The following NHS variants were observed in gnomAD, a reference collection of about 807,000 sequenced individuals.
NHS encodes the protein NHS actin remodeling regulator, also known as actin remodeling regulator NHS.
A neutral mutation model predicts 72.5 loss-of-function variants in NHS; 5 were observed. The observed-to-expected ratio is 0.07, with a 90% CI of 0.04 to 0.14. NHS has a LOEUF of 0.14. Among genes scored for constraint, NHS ranks in the 10% least tolerant of loss-of-function variants. NHS has a pLI of 1.00. For missense variants in NHS, 1,072 were observed against 1,355.7 expected (o/e 0.79, Z 3.29); for synonymous variants, 464 against 547.7 (o/e 0.85, Z 2.13).
chrX:17,623,292 G>A (rs1258818114), intron 1 of NHS, among the ~76,000 whole-genome samples: 1 of 111,654 alleles, frequency 9.0e-6, no homozygotes, highest in Non-Finnish European at 1.9e-5. Flanking sequence ...TCCAAGCAGG[G>A]AGAAGGGAAT....
chrX:17,532,537 G>A (rs1249887734), intron 1 of NHS, among the ~76,000 whole-genome samples: 1 of 111,641 alleles, frequency 9.0e-6, no homozygotes, highest in African/African-American at 3.3e-5. Flanking sequence ...TGCATTTGAA[G>A]GCTTCCTCCT....
At chrX:17,730,447 T>C (rs2066479531) in intron 8 of NHS, among the ~76,000 whole-genome samples, 1 of 112,511 alleles carries the variant, frequency 8.9e-6, no homozygotes, top group African/African-American at 3.2e-5. Flanking sequence ...AGCCCTAACT[T>C]AGTGGAGTGC....
intron 1 of NHS, among the ~76,000 whole-genome samples, chrX:17,458,805 C>A (rs1042857954): frequency 1.2e-4 from 14 of 112,314 alleles, no homozygotes; most frequent in African/African-American, 4.2e-4. Flanking sequence ...TGCATGCATT[C>A]TTTGGGTCCA....
At chrX:17,608,549 CA>C (rs1474074743) in intron 1 of NHS, among the ~76,000 whole-genome samples, 4 of 112,115 alleles carry the variant, frequency 3.6e-5, no homozygotes, top group African/African-American at 1.3e-4. Context: ...TAAATCTCAG[CA>C]GCCTTGAAAG....
intron 1 of NHS, among the ~76,000 whole-genome samples, chrX:17,463,261 A>G (rs1293530851): frequency 9.0e-6 from 1 of 111,235 alleles, no homozygotes; most frequent in Non-Finnish European, 1.9e-5. Context: ...AAAGTAAGAG[A>G]GTTTGGGCAG....
At chrX:17,379,942 G>A (rs1010051328) in intron 1 of NHS, among the ~76,000 whole-genome samples, 2 of 111,823 alleles carry the variant, frequency 1.8e-5, no homozygotes, top group Non-Finnish European at 3.8e-5. Context: ...AATTACATGT[G>A]TGAGTTGAGA....
At chrX:17,591,735 T>A (rs183850202) in intron 1 of NHS, among the ~76,000 whole-genome samples, 1 of 111,846 alleles carries the variant, frequency 8.9e-6, no homozygotes, top group African/African-American at 3.2e-5. Context: ...CTTTATAGCA[T>A]CATAGAATGG....
intron 1 of NHS, among the ~76,000 whole-genome samples, chrX:17,625,843 G>A (rs1251306755): frequency 1.8e-5 from 2 of 111,521 alleles, no homozygotes; most frequent in East Asian, 2.8e-4. Flanking sequence ...GATAGCTTAC[G>A]TTCTTTTTTA....
chrX:17,588,025 A>ATAAT (rs1371726513), intron 1 of NHS, among the ~76,000 whole-genome samples: 2 of 112,317 alleles, frequency 1.8e-5, no homozygotes, highest in Admixed American at 9.4e-5. Context: ...CTTACAAAAT[A>ATAAT]TAATGCCTGA....
intron 1 of NHS, among the ~76,000 whole-genome samples, chrX:17,393,911 A>C (rs1231439489): frequency 1.8e-5 from 2 of 111,583 alleles, no homozygotes; most frequent in African/African-American, 3.3e-5. Flanking sequence ...AGCAAATTCT[A>C]AAACTTTCTT....
At chrX:17,465,616 CAAA>C (rs11297013) in intron 1 of NHS, among the ~76,000 whole-genome samples, 13 of 83,662 alleles carry the variant, frequency 1.6e-4, no homozygotes, top group Admixed American at 2.7e-4. Flanking sequence ...TCTTCCAGGA[CAAA>C]AAAAAAAAAA....
intron 1 of NHS, among the ~76,000 whole-genome samples, chrX:17,476,765 C>A (rs1200282836): frequency 3.6e-5 from 4 of 111,883 alleles, no homozygotes; most frequent in Admixed American, 1.9e-4. Flanking sequence ...TTGGAGGCTG[C>A]TCCTGGAGGC....
At chrX:17,532,259 G>A (rs917589701) in intron 1 of NHS, among the ~76,000 whole-genome samples, 2 of 111,820 alleles carry the variant, frequency 1.8e-5, no homozygotes. Flanking sequence ...CTTTGCTCTG[G>A]TTTTAATTAG....
chrX:17,517,436 C>T (rs2065127260), intron 1 of NHS, among the ~76,000 whole-genome samples: 1 of 112,393 alleles, frequency 8.9e-6, no homozygotes, highest in Admixed American at 9.4e-5. Context: ...TCCTCTAAGT[C>T]TTCAATGCTA....
chrX:17,501,754 G>A (rs189933211), intron 1 of NHS, among the ~76,000 whole-genome samples: 1 of 112,437 alleles, frequency 8.9e-6, no homozygotes, highest in Admixed American at 9.4e-5. Context: ...ACAAAAAGAT[G>A]TGTGGGCTGG....
At chrX:17,381,771 T>A (rs2064379129) in intron 1 of NHS, among the ~76,000 whole-genome samples, 1 of 112,455 alleles carries the variant, frequency 8.9e-6, no homozygotes, top group Non-Finnish European at 1.9e-5. Flanking sequence ...TTGATGAACT[T>A]ATGTATACAC....
intron 1 of NHS, among the ~76,000 whole-genome samples, chrX:17,478,404 A>G (rs1189423121): frequency 8.9e-6 from 1 of 112,243 alleles, no homozygotes; most frequent in Non-Finnish European, 1.9e-5. Context: ...GATGTGCTTT[A>G]TAAATGAATG....
intron 1 of NHS, among the ~76,000 whole-genome samples, chrX:17,593,488 A>T (rs2065611917): frequency 9.0e-6 from 1 of 111,164 alleles, no homozygotes; most frequent in African/African-American, 3.3e-5. Context: ...CCAATTTCTT[A>T]GAACTTGGTA....
chrX:17,635,845 A>G (rs765395431), intron 1 of NHS, among the ~76,000 whole-genome samples: 5 of 112,358 alleles, frequency 4.5e-5, no homozygotes, highest in African/African-American at 1.6e-4. Context: ...TGCATTGTTC[A>G]TACTGGCTGG....
Sources: gnomAD v4.1 joint callset for allele counts (sites outside exome capture counted in the v4.1 genomes callset) on GRCh38, gnomAD v4.1.1 for gene constraint, MANE v1.5 for transcripts, NCBI Gene and HGNC (gene_info 2026-07-23, HGNC 2026-07-21) for gene names.